TXNDC5: variants seen among roughly 807,000 people sequenced by gnomAD.
TXNDC5 encodes thioredoxin domain-containing protein 5.
Under a neutral mutation model 52.6 loss-of-function variants are expected in TXNDC5, and 44 were observed. The observed-to-expected ratio is 0.84, with a 90% CI of 0.66 to 1.08. The LOEUF (loss-of-function observed/expected upper bound fraction) is 1.08. TXNDC5 is among the 50% of genes least tolerant of loss of function. The pLI is 0.00. For missense variants in TXNDC5, 600 were observed against 565.5 expected, an observed-to-expected ratio of 1.06 and a Z score of -0.62; for synonymous variants, 241 against 234.4, an observed-to-expected ratio of 1.03 and a Z score of -0.26.
At chr6:7,896,684 G>A (rs543753832) in intron 3 of TXNDC5, among the ~76,000 whole-genome samples, 1 of 152,170 alleles carries the variant, frequency 6.6e-6, no homozygotes, top group Non-Finnish European at 1.5e-5. Flanking sequence ...CAGTCAATGG[G>A]TGCACATAAG....
chr6:7,889,543 G>C lies in TXNDC5; in HGVS notation c.771C>G (p.Asn257Lys), dbSNP rs1183072018. 6.2e-7 allele frequency: 1 copy of C among 1,613,680 alleles called. No individual in the cohort carries two copies. Among genetic ancestry groups the C allele is most frequent in the Non-Finnish European group, 8.5e-7 (1 of 1,179,626 alleles). The change falls in exon 6 of 10, where the codon AAC (asparagine) becomes AAG (lysine). Residue 257 changes from asparagine to lysine, a missense_variant. By Grantham distance (94) the Asn-to-Lys change is moderately conservative. Coordinates refer to ENST00000379757, the MANE Select transcript of TXNDC5 (RefSeq NM_030810.5). ...CTQHYELCSG[N>K]QVRGYPTLLW... Reference sequence around the variant, plus strand: ...GAAGAGTGGGATAGCCACGAACCTGGTTTCCGGAGCAGAGTTCATAGTGCT... The same window carrying C: ...GAAGAGTGGGATAGCCACGAACCTGCTTTCCGGAGCAGAGTTCATAGTGCT...
chr6:7,904,447 TCTCC>T, intron 2 of TXNDC5, 123 bp downstream of exon 2: 1 of 1,216,450 alleles, frequency 8.2e-7, no homozygotes, highest in Non-Finnish European at 1.2e-6. Context: ...AAATGCAGTT[TCTCC>T]CTAATGACAG....
rs145214714 is a variant in TXNDC5, at chr6:7,904,612, G to T, written c.375C>A (p.Ser125=). 3 of 1,614,126 alleles carry T rather than the reference G, an allele frequency of 1.9e-6. No homozygotes were observed. Among genetic ancestry groups the T allele is most frequent in the Admixed American group, 1.7e-5 (1 of 60,020 alleles). ...YVAKVDCTAH[S]DVCSAQGVRG... ...GCACCCCCTGGGCGGAGCACACGTCGGAGTGGGCCGTGCAGTCCACTTTAG... is the reference window on the plus strand; with the variant it reads ...GCACCCCCTGGGCGGAGCACACGTCTGAGTGGGCCGTGCAGTCCACTTTAG... The change falls in exon 2 of 10, where the codon TCC becomes TCA. Residue 125 remains serine, a synonymous_variant. Transcript: ENST00000379757.
intron 3 of TXNDC5, among the ~76,000 whole-genome samples, chr6:7,897,714 C>T (rs1027485554): frequency 6.6e-6 from 1 of 152,176 alleles, no homozygotes; most frequent in Admixed American, 6.5e-5. Flanking sequence ...GGGAAATGGG[C>T]CATGAGATGA....
rs368347020 is a variant in TXNDC5, at chr6:7,903,961, G to A, written c.413+613C>T. On this transcript the variant is annotated intron_variant, in intron 2 of 9. Transcript: ENST00000379757. ...AACAGAGATACAGGCCTGGAAAGCC[G>A]TCATCTCAAGGGAGGTGCAGGAGAA... Among the ~76,000 whole-genome samples the A allele has an allele frequency of 3.9e-5, 6 of 152,308 alleles. No individual in the cohort carries two copies. The South Asian group carries it at 1.0e-3, about 26-fold the overall frequency.
At chr6:7,902,146 G>C (rs773372743) in intron 2 of TXNDC5, among the ~76,000 whole-genome samples, 28 of 152,196 alleles carry the variant, frequency 1.8e-4, no homozygotes, top group Non-Finnish European at 3.4e-4. Flanking sequence ...CGAGGCAAGG[G>C]AGGATTCCCC....
At chr6:7,894,998 G>A (rs1760315582) in intron 4 of TXNDC5, 108 bp downstream of exon 4, 6 of 1,466,616 alleles carry the variant, frequency 4.1e-6, no homozygotes, top group Admixed American at 4.4e-5. Flanking sequence ...CTTTGTCAGT[G>A]CCACTGATGC....
chr6:7,903,722 A>G (rs1760644018), intron 2 of TXNDC5, among the ~76,000 whole-genome samples: 3 of 152,258 alleles, frequency 2.0e-5, no homozygotes, highest in Admixed American at 1.3e-4. Context: ...CAATTGAAAC[A>G]AACAGCAAGG....
chr6:7,901,503 T>C lies in TXNDC5; in HGVS notation c.414-1822A>G, dbSNP rs572434645. Reference sequence around the variant, plus strand: ...ACAAATAATTTAAAAAAAACCATCTTCTTGTTGTTGGACTGATAATCGTTC... The same window carrying C: ...ACAAATAATTTAAAAAAAACCATCTCCTTGTTGTTGGACTGATAATCGTTC... On this transcript the variant is annotated intron_variant, in intron 2 of 9. Coordinates refer to ENST00000379757, the MANE Select transcript of TXNDC5 (RefSeq NM_030810.5). Among the ~76,000 whole-genome samples, 7 of 152,346 alleles carry C rather than the reference T, an allele frequency of 4.6e-5. No individual in the cohort carries two copies. The South Asian group carries it at 8.3e-4, about 18-fold the overall frequency.
At chr6:7,899,900 A>T (rs1760505046) in intron 2 of TXNDC5, 2 of 397,540 alleles carry the variant, frequency 5.0e-6, no homozygotes, top group South Asian at 7.1e-5. Context: ...ATTCAAGGAA[A>T]ACTAAAATGA....
chr6:7,884,327 G>T, intron 9 of TXNDC5, 32 bp downstream of exon 9: 10 of 1,613,182 alleles, frequency 6.2e-6, no homozygotes, highest in Non-Finnish European at 8.5e-6. Flanking sequence ...CCCATACTGA[G>T]AGCTCCCATA....
intron 3 of TXNDC5, among the ~76,000 whole-genome samples, chr6:7,897,923 C>T (rs1222786493): frequency 6.6e-6 from 1 of 152,226 alleles, no homozygotes; most frequent in Non-Finnish European, 1.5e-5. Flanking sequence ...GAAAGTCACA[C>T]CTGCTCATTC....
chr6:7,883,347 C>G, intron 9 of TXNDC5, 81 bp from the exon 10 acceptor site: 1 of 1,593,812 alleles, frequency 6.3e-7, no homozygotes, highest in Non-Finnish European at 8.5e-7. Flanking sequence ...ACCAGATACA[C>G]TCCTACCGTT....
At chr6:7,890,717 C>A (rs537407694) in intron 5 of TXNDC5, among the ~76,000 whole-genome samples, 2 of 152,238 alleles carry the variant, frequency 1.3e-5, no homozygotes, top group South Asian at 4.1e-4. Context: ...ATTTAACTGA[C>A]AACAAAAGTG....
rs559272939 is a variant in TXNDC5 at position 7,883,031 on chromosome 6, T to C, written c.*113A>G. ...CACAAAGAAGATACCTCACGCTTAGTATGTTCTGCTTTCTGAACAGCCACC... is the reference window on the plus strand; with the variant it reads ...CACAAAGAAGATACCTCACGCTTAGCATGTTCTGCTTTCTGAACAGCCACC... On this transcript the variant is annotated 3_prime_UTR_variant, in exon 10 of 10. Transcript: ENST00000379757. The C allele has an allele frequency of 1.4e-6, 2 of 1,425,972 alleles. No individual in the cohort carries two copies. The highest frequency in any genetic ancestry group is 2.8e-5 in the African/African-American group (2 of 70,486). The allele number at this position is 1,425,972 out of a possible 1,614,324, so 88.3% of individuals were successfully genotyped here. A position where few individuals can be genotyped will look rare whatever the true frequency, so the allele number is the denominator to read the frequency against.
Position 7,882,268 on chromosome 6 carries a change from T to TCAC in TXNDC5, c.*873_*875dup, listed in dbSNP as rs1324753240. 2 of 152,466 alleles carry TCAC rather than the reference T, an allele frequency of 1.3e-5. No homozygotes were observed. The highest frequency in any genetic ancestry group is 2.9e-5 in the Non-Finnish European group (2 of 68,018). 9.4% of individuals were successfully genotyped at this position (152,466 alleles called of 1,614,324 possible). A position where few individuals can be genotyped will look rare whatever the true frequency, so the allele number is the denominator to read the frequency against. ...GCCTGGGAAAGCCTGTCTGGTCTTGTCACCCCAGGTGACAAATACAACTGG... is the reference window on the plus strand; with the variant it reads ...GCCTGGGAAAGCCTGTCTGGTCTTGTCACCACCCCAGGTGACAAATACAACTGG... On this transcript the variant is annotated 3_prime_UTR_variant, in exon 10 of 10. Coordinates refer to ENST00000379757, the MANE Select transcript of TXNDC5 (RefSeq NM_030810.5).
chr6:7,883,771 C>T (rs993734298), intron 9 of TXNDC5, among the ~76,000 whole-genome samples: 7 of 152,080 alleles, frequency 4.6e-5, no homozygotes, highest in Admixed American at 2.0e-4. Flanking sequence ...GTCTGGGTTA[C>T]GTCTATTCTC....
intron 8 of TXNDC5, among the ~76,000 whole-genome samples, chr6:7,885,420 ATCTC>A (rs1487432607): frequency 6.6e-6 from 1 of 152,206 alleles, no homozygotes; most frequent in Admixed American, 6.5e-5. Context: ...GGTTGTCTGG[ATCTC>A]ACACTACCTG....
Position 7,904,640 on chromosome 6 carries a change from A to C in TXNDC5, c.347T>G (p.Val116Gly). 1 of 1,614,162 alleles carries C rather than the reference A, an allele frequency of 6.2e-7. No individual in the cohort carries two copies. The highest frequency in any genetic ancestry group is 8.5e-7 in the Non-Finnish European group (1 of 1,180,024). The change falls in exon 2 of 10, where the codon GTG (valine) becomes GGG (glycine). Residue 116 changes from valine to glycine, a missense_variant. Coordinates refer to ENST00000379757, the MANE Select transcript of TXNDC5 (RefSeq NM_030810.5). ...YNSMEDAKVY[V>G]AKVDCTAHSD... is the part of the protein sequence containing the mutation. The stretch of plus-strand genomic sequence containing the variant: ...GTGGGCCGTGCAGTCCACTTTAGCC[A>C]CATAGACTTTGGCATCTTCCATGCT...
Sources: gnomAD v4.1 joint callset for allele counts (sites outside exome capture counted in the v4.1 genomes callset) on GRCh38, gnomAD v4.1.1 for gene constraint, MANE v1.5 for transcripts, NCBI Gene and HGNC (gene_info 2026-07-23, HGNC 2026-07-21) for gene names.